ETV6: variants seen among roughly 807,000 people sequenced by gnomAD.
The protein encoded by ETV6 is transcription factor ETV6.
A neutral mutation model predicts 51.1 loss-of-function variants in ETV6; 16 were observed. The ratio of observed to expected loss-of-function variants is 0.31; its 90% CI spans 0.21 to 0.48. The LOEUF (loss-of-function observed/expected upper bound fraction) is 0.48. ETV6 is among the 20% of genes least tolerant of loss of function. The probability of loss-of-function intolerance (pLI) is 0.99; values close to 1 mark genes in which losing one functional copy is unlikely to be tolerated. For synonymous variants in ETV6, 240 were observed against 224.1 expected (o/e 1.07, Z -0.64); for missense variants, 458 against 594.8 (o/e 0.77, Z 2.39).
intron 2 of ETV6, among the ~76,000 whole-genome samples, chr12:11,767,617 C>A (rs534808915): frequency 6.6e-6 from 1 of 152,322 alleles, no homozygotes; most frequent in Non-Finnish European, 1.5e-5. Context: ...CCTTGATGAG[C>A]CTCAGTTGCT....
chr12:11,812,911 T>C (rs2136422632), intron 2 of ETV6, among the ~76,000 whole-genome samples: 1 of 152,292 alleles, frequency 6.6e-6, no homozygotes, highest in East Asian at 1.9e-4. Context: ...CCTCATAGCT[T>C]AGTGATTTCC....
At chr12:11,881,520 C>G (rs1312620007) in intron 5 of ETV6, among the ~76,000 whole-genome samples, 1 of 152,196 alleles carries the variant, frequency 6.6e-6, no homozygotes, top group Non-Finnish European at 1.5e-5. Context: ...TGAGGGCCCA[C>G]TTTCTGGTTC....
intron 1 of ETV6, among the ~76,000 whole-genome samples, chr12:11,682,547 G>A (rs1425720287): frequency 6.6e-6 from 1 of 152,114 alleles, no homozygotes; most frequent in Non-Finnish European, 1.5e-5. Flanking sequence ...TTCTTTTGCT[G>A]AGCAGAAGCT....
chr12:11,729,321 G>A (rs949502576), intron 1 of ETV6, among the ~76,000 whole-genome samples: 8 of 151,914 alleles, frequency 5.3e-5, no homozygotes, highest in Non-Finnish European at 8.8e-5. Context: ...ATCTGGGTGG[G>A]AGCACTAGAA....
At chr12:11,669,877 A>G (rs967104823) in intron 1 of ETV6, among the ~76,000 whole-genome samples, 1 of 152,066 alleles carries the variant, frequency 6.6e-6, no homozygotes, top group African/African-American at 2.4e-5. Context: ...ATGTGCCGAA[A>G]TGAGATCTTC....
intron 3 of ETV6, among the ~76,000 whole-genome samples, chr12:11,845,275 A>G (rs1370588315): frequency 6.6e-6 from 1 of 152,250 alleles, no homozygotes; most frequent in Non-Finnish European, 1.5e-5. Flanking sequence ...TAAAAGTTGG[A>G]GAGACCTAGG....
intron 2 of ETV6, among the ~76,000 whole-genome samples, chr12:11,763,359 G>A (rs2136341191): frequency 6.6e-6 from 1 of 152,298 alleles, no homozygotes; most frequent in South Asian, 2.1e-4. Flanking sequence ...GGTATCTGGG[G>A]TTTTATTAAA....
intron 1 of ETV6, among the ~76,000 whole-genome samples, chr12:11,721,555 A>G (rs2120930006): frequency 6.6e-6 from 1 of 152,348 alleles, no homozygotes; most frequent in African/African-American, 2.4e-5. Flanking sequence ...ACATGGGAAC[A>G]ATAAACACTG....
rs1293068149 is a variant in ETV6, at chr12:11,839,389, A to G, written c.328+85A>G. 20 of 1,348,842 alleles carry G rather than the reference A, an allele frequency of 1.5e-5. No homozygotes were observed. The East Asian group carries it at 4.0e-4, about 27-fold the overall frequency. 83.6% of individuals were successfully genotyped at this position (1,348,842 alleles called of 1,614,324 possible). On this transcript the variant is annotated intron_variant, in intron 3 of 7. Transcript: ENST00000396373. ...TCTTTAACACCCCTCACCCGGCCCA[A>G]GAAATCCCAACAGTGAGTCATCACA...
At chr12:11,793,863 A>T (rs1046394224) in intron 2 of ETV6, among the ~76,000 whole-genome samples, 4 of 152,238 alleles carry the variant, frequency 2.6e-5, no homozygotes, top group African/African-American at 9.6e-5. Context: ...TTGCCTCAGC[A>T]GCAGAGAACT....
At chr12:11,712,892 G>T (rs34942088) in intron 1 of ETV6, among the ~76,000 whole-genome samples, 1 of 152,090 alleles carries the variant, frequency 6.6e-6, no homozygotes, top group Admixed American at 6.5e-5. Context: ...AGCTGCAGGC[G>T]TGCACGGAGG....
intron 4 of ETV6, among the ~76,000 whole-genome samples, chr12:11,865,484 A>G (rs1946779275): frequency 6.6e-6 from 1 of 151,242 alleles, no homozygotes; most frequent in Non-Finnish European, 1.5e-5. Context: ...TTTTCAACCT[A>G]TAGGTTCCCA....
chr12:11,891,141 A>T lies in ETV6; in HGVS notation c.*95A>T. 4 of 974,374 alleles carry T rather than the reference A, an allele frequency of 4.1e-6. No homozygotes were observed. The highest frequency in any genetic ancestry group is 1.6e-5 in the African/African-American group (1 of 60,962). 60.4% of individuals were successfully genotyped at this position (974,374 alleles called of 1,614,324 possible). A position where few individuals can be genotyped will look rare whatever the true frequency, so the allele number is the denominator to read the frequency against. On this transcript the variant is annotated 3_prime_UTR_variant, in exon 8 of 8. Transcript: ENST00000396373. ...GTGACGGAGCAGGCGGGCTGAGGAG[A>T]GTGGAAAAGGAAGCGACCCAGAAAT... is the stretch of plus-strand genomic sequence containing the variant.
chr12:11,844,797 G>A (rs1392632529), intron 3 of ETV6, among the ~76,000 whole-genome samples: 1 of 149,120 alleles, frequency 6.7e-6, no homozygotes, highest in Non-Finnish European at 1.5e-5. Flanking sequence ...TCAGAGAAAT[G>A]CTTCGATAGG....
At chr12:11,718,871 C>T (rs907031590) in intron 1 of ETV6, among the ~76,000 whole-genome samples, 1 of 152,174 alleles carries the variant, frequency 6.6e-6, no homozygotes, top group African/African-American at 2.4e-5. Context: ...GCCAGACTTG[C>T]AGAACAATCA....
At chr12:11,653,299 C>T (rs1025281669) in intron 1 of ETV6, among the ~76,000 whole-genome samples, 21 of 152,198 alleles carry the variant, frequency 1.4e-4, no homozygotes, top group Non-Finnish European at 5.9e-5. Context: ...CAAGTTGCAG[C>T]GGAAGGTGGT....
At chr12:11,864,507 A>T (rs1282229069) in intron 4 of ETV6, among the ~76,000 whole-genome samples, 2 of 152,258 alleles carry the variant, frequency 1.3e-5, no homozygotes, top group African/African-American at 4.8e-5. Flanking sequence ...TGTCTTCAAT[A>T]GTTGTTTACA....
chr12:11,715,248 C>A lies in ETV6; in HGVS notation c.34-37202C>A, dbSNP rs566480307. Among the ~76,000 whole-genome samples, 18 of 152,164 alleles carry A rather than the reference C, an allele frequency of 1.2e-4. 1 individual carries two copies. The South Asian group carries it at 3.7e-3, about 32-fold the overall frequency. On this transcript the variant is annotated intron_variant, in intron 1 of 7. Transcript: ENST00000396373. Reference sequence around the variant, plus strand: ...CTGGATTAGTGGAGAGTTGAGCATTCGTCTTTTCTTAGAGCCTTGAGTGGA... The same window carrying A: ...CTGGATTAGTGGAGAGTTGAGCATTAGTCTTTTCTTAGAGCCTTGAGTGGA...
chr12:11,660,320 T>C (rs1473603810), intron 1 of ETV6, among the ~76,000 whole-genome samples: 2 of 152,044 alleles, frequency 1.3e-5, no homozygotes, highest in Admixed American at 6.6e-5. Flanking sequence ...AAAAGGGAGA[T>C]GGGGCGGGGC....
Sources: gnomAD v4.1 joint callset for allele counts (sites outside exome capture counted in the v4.1 genomes callset) on GRCh38, gnomAD v4.1.1 for gene constraint, MANE v1.5 for transcripts, NCBI Gene and HGNC (gene_info 2026-07-23, HGNC 2026-07-21) for gene names.